Variants in NOTCH1 observed in about 807,000 individuals in gnomAD.
The protein encoded by NOTCH1 is neurogenic locus notch homolog protein 1.
A neutral mutation model predicts 254.8 loss-of-function variants in NOTCH1; 37 were observed. The ratio of observed to expected loss-of-function variants is 0.15; its 90% CI spans 0.11 to 0.19. NOTCH1 has a LOEUF of 0.19. NOTCH1 is among the 10% of genes least tolerant of loss of function. NOTCH1 has a pLI of 1.00. For missense variants in NOTCH1, 2,972 were observed against 3,708.6 expected (o/e 0.80, Z 5.16); for synonymous variants, 1,731 against 1,618.1 (o/e 1.07, Z -1.68).
rs1843235301 is a variant in NOTCH1 at position 136,514,700 on chromosome 9, T to A, written c.2017A>T (p.Ser673Cys). Residue 673 changes from serine to cysteine, a missense_variant and splice_region_variant, in exon 13 of 34, where the codon AGC (serine) becomes TGC (cysteine). Physicochemically the swap from Ser to Cys is moderately radical, Grantham distance 112 (BLOSUM62 -1). Around this residue, in one of 8 missense-constraint regions of NOTCH1, gnomAD observed 1,343 missense variants for 1,557.0 expected, o/e 0.86. Coordinates refer to ENST00000651671, the MANE Select transcript of NOTCH1 (RefSeq NM_017617.5). Reference sequence around the variant, plus strand: ...TCATCGATGTTGATGTTACACATGCTCCCTAAGGGCAGGGCGGGTCAGACT... The same window carrying A: ...TCATCGATGTTGATGTTACACATGCACCCTAAGGGCAGGGCGGGTCAGACT... ...ECACEPGYTGSMCNINIDECA... is the reference protein window; with the variant it reads ...ECACEPGYTGCMCNINIDECA... The A allele has an allele frequency of 6.2e-7, 1 of 1,612,068 alleles. No individual in the cohort carries two copies. Among genetic ancestry groups the A allele is most frequent in the Non-Finnish European group, 8.5e-7 (1 of 1,179,722 alleles).
At chr9:136,507,545 T>A in intron 21 of NOTCH1, 108 bp from the exon 22 acceptor site, 2 of 1,471,848 alleles carry the variant, frequency 1.4e-6, no homozygotes, top group Non-Finnish European at 1.8e-6. Flanking sequence ...TGCCCTCAGG[T>A]CCAGCGAAGC....
intron 2 of NOTCH1, among the ~76,000 whole-genome samples, chr9:136,536,072 T>C (rs1427643084): frequency 1.3e-5 from 2 of 151,818 alleles, no homozygotes; most frequent in African/African-American, 4.8e-5. Flanking sequence ...GGGGAGTTTC[T>C]CCTCCCAGAA....
At chr9:136,502,539 C>A (rs776604954) in intron 27 of NOTCH1, 51 bp from the exon 28 acceptor site, 39 of 1,302,054 alleles carry the variant, frequency 3.0e-5, no homozygotes, top group Middle Eastern at 2.6e-4. Flanking sequence ...GCAGCGGCTA[C>A]GCAGCAGGCT....
Position 136,544,010 on chromosome 9 carries a change from G to A in NOTCH1, c.140+14C>T, listed in dbSNP as rs749885017. The A allele has an allele frequency of 5.1e-6, 8 of 1,565,670 alleles. No individual in the cohort carries two copies. The Admixed American group carries it at 5.6e-5, about 11-fold the overall frequency. On this transcript the variant is annotated intron_variant, in intron 2 of 33. Coordinates refer to ENST00000651671, the MANE Select transcript of NOTCH1 (RefSeq NM_017617.5). ...CCTCGACAAAGCAACAGGTCCCGCA[G>A]GGGTGGTACTCACACGCAGGCCTCC...
chr9:136,496,200 G>T lies in NOTCH1; in HGVS notation c.7539C>A (p.Ser2513=). The part of the protein sequence containing the change: ...QVPEHPFLTP[S]PESPDQWSSS... ...TGGACCACTGGTCAGGGGACTCAGG[G>T]GACGGGGTGAGGAAGGGGTGCTCAG... The change falls in exon 34 of 34, where the codon TCC becomes TCA. Residue 2513 remains serine, a synonymous_variant. Transcript: ENST00000651671. 6.2e-7 allele frequency: 1 copy of T among 1,609,966 alleles called. No individual in the cohort carries two copies. The highest frequency in any genetic ancestry group is 2.2e-5 in the East Asian group (1 of 44,798).
intron 15 of NOTCH1, among the ~76,000 whole-genome samples, chr9:136,511,882 G>A (rs3124600): frequency 0.61 from 92,340 of 152,086 alleles, 30,257 homozygotes; most frequent in African/African-American, 0.86. Flanking sequence ...AAGGCTATGT[G>A]GGAACCACGT....
At chr9:136,522,373 G>C (rs72775787) in intron 4 of NOTCH1, among the ~76,000 whole-genome samples, 2 of 152,162 alleles carry the variant, frequency 1.3e-5, no homozygotes, top group Non-Finnish European at 2.9e-5. Flanking sequence ...CGTACAACAC[G>C]GGGATCGGGG....
intron 4 of NOTCH1, 93 bp downstream of exon 4, chr9:136,522,757 C>T (rs1843392531): frequency 1.6e-6 from 2 of 1,253,128 alleles, no homozygotes; most frequent in African/African-American, 1.5e-5. Context: ...TGGGCCCTCC[C>T]AGGGCTGCCC....
intron 2 of NOTCH1, among the ~76,000 whole-genome samples, chr9:136,542,258 G>A (rs56920698): frequency 0.088 from 13,409 of 152,152 alleles, 1,362 homozygotes; most frequent in African/African-American, 0.25. Flanking sequence ...CCAGCACGGT[G>A]TTCCTCCCAC....
At chr9:136,529,475 C>T (rs1316057958) in intron 2 of NOTCH1, among the ~76,000 whole-genome samples, 7 of 152,192 alleles carry the variant, frequency 4.6e-5, no homozygotes, top group Admixed American at 2.6e-4. Flanking sequence ...GCAGGGGGCT[C>T]GGGGTCCCAC....
chr9:136,502,934 G>A lies in NOTCH1; in HGVS notation c.5167+248C>T, dbSNP rs527562508. On this transcript the variant is annotated intron_variant, in intron 27 of 33. Transcript: ENST00000651671. ...CAAAGAAAATTCAGGAGGAAAGGGTGGGGAGAGAAGCAGGCACCCACTTTC... is the reference window on the plus strand; with the variant it reads ...CAAAGAAAATTCAGGAGGAAAGGGTAGGGAGAGAAGCAGGCACCCACTTTC... 5.8e-6 allele frequency: 4 copies of A among 689,976 alleles called. No individual in the cohort carries two copies. In the East Asian group the frequency reaches 8.2e-5, roughly 14 times the overall value. The allele number at this position is 689,976 out of a possible 1,614,324, so 42.7% of individuals were successfully genotyped here. A position where few individuals can be genotyped will look rare whatever the true frequency, so the allele number is the denominator to read the frequency against.
At chr9:136,543,852 T>C in intron 2 of NOTCH1, 172 bp downstream of exon 2, 3 of 719,646 alleles carry the variant, frequency 4.2e-6, no homozygotes, top group Non-Finnish European at 5.0e-6. Context: ...GCATAATTGC[T>C]GGTGATTAAG....
chr9:136,536,245 G>A (rs1017336777), intron 2 of NOTCH1, among the ~76,000 whole-genome samples: 1 of 152,206 alleles, frequency 6.6e-6, no homozygotes, highest in African/African-American at 2.4e-5. Context: ...GGGCCTCGCT[G>A]TCAAGGGCCA....
At chr9:136,544,365 C>T (rs1230945776) in intron 1 of NOTCH1, among the ~76,000 whole-genome samples, 2 of 152,132 alleles carry the variant, frequency 1.3e-5, no homozygotes, top group Non-Finnish European at 2.9e-5. Context: ...ACACGTCCTG[C>T]TTGAAGCAGG....
Position 136,504,723 on chromosome 9 carries a change from G to GCTC in NOTCH1, c.4967_4968insGAG (p.Ser1657dup). 1 of 1,542,056 alleles carries GCTC rather than the reference G, an allele frequency of 6.5e-7. No homozygotes were observed. Among genetic ancestry groups the GCTC allele is most frequent in the Non-Finnish European group, 8.8e-7 (1 of 1,142,448 alleles). The stretch of plus-strand genomic sequence containing the variant: ...CCCTCCGCCGCCGCCCACCCTCGCT[G>GCTC]CCACCAGGGAGCAGCGAGGCCTTCA... On this transcript the variant is annotated inframe_insertion, in exon 26 of 34. Transcript: ENST00000651671.
At chr9:136,541,900 C>T (rs947422939) in intron 2 of NOTCH1, among the ~76,000 whole-genome samples, 13 of 152,310 alleles carry the variant, frequency 8.5e-5, no homozygotes, top group Middle Eastern at 3.4e-3. Context: ...GGGCTGAGCT[C>T]GGCTGCCTGT....
intron 9 of NOTCH1, among the ~76,000 whole-genome samples, chr9:136,516,506 G>T (rs1162357623): frequency 6.6e-6 from 1 of 152,176 alleles, no homozygotes. Context: ...CCAGGCCCCT[G>T]AGAGTTCCTC....
chr9:136,509,663 A>G, intron 18 of NOTCH1, 70 bp downstream of exon 18: 1 of 1,433,056 alleles, frequency 7.0e-7, no homozygotes, highest in East Asian at 2.3e-5. Context: ...ATGGTGTGCC[A>G]GGCTGCCAGC....
Position 136,496,027 on chromosome 9 carries a change from C to T in NOTCH1, c.*44G>A, listed in dbSNP as rs369671152. ...CATCCACAGAGCGCACACAGACGCC[C>T]GAAGGCTTGGGAAAGGAAGCCGGGG... On this transcript the variant is annotated 3_prime_UTR_variant, in exon 34 of 34. Transcript: ENST00000651671. The T allele has an allele frequency of 8.6e-4, 1,361 of 1,573,602 alleles. 2 individuals are homozygous for T. The highest frequency in any genetic ancestry group is 1.7e-3 in the South Asian group (145 of 87,226).
Sources: gnomAD v4.1 joint callset for allele counts (sites outside exome capture counted in the v4.1 genomes callset) on GRCh38, gnomAD v4.1.1 for gene constraint, gnomAD v4.1.1 regional missense constraint, MANE v1.5 for transcripts, NCBI Gene and HGNC (gene_info 2026-07-23, HGNC 2026-07-21) for gene names.